LAMA2: variants seen among roughly 807,000 people sequenced by gnomAD.
LAMA2 encodes the protein laminin subunit alpha-2.
A neutral mutation model predicts 364.8 loss-of-function variants in LAMA2; 269 were observed. The observed-to-expected ratio is 0.74, with a 90% CI of 0.67 to 0.82. The LOEUF (loss-of-function observed/expected upper bound fraction) is 0.82, where lower values mean the gene tolerates loss of function less well. LAMA2 is among the 40% of genes least tolerant of loss of function. The pLI, the probability that LAMA2 is intolerant of heterozygous loss-of-function variation, is 0.00. For missense variants in LAMA2, 3,807 were observed against 3,873.2 expected, an observed-to-expected ratio of 0.98 and a Z score of 0.45; for synonymous variants, 1,379 against 1,370.6, an observed-to-expected ratio of 1.01 and a Z score of -0.14.
At chr6:129,515,458 T>C (rs1000932107) in intron 64 of LAMA2, among the ~76,000 whole-genome samples, 9 of 152,192 alleles carry the variant, frequency 5.9e-5, no homozygotes, top group African/African-American at 2.2e-4. Context: ...GGTAATGTAC[T>C]TCTCCATTCA....
chr6:129,206,126 AAGGAAGG>A (rs1782656043), intron 12 of LAMA2, among the ~76,000 whole-genome samples: 5 of 120,994 alleles, frequency 4.1e-5, no homozygotes, highest in African/African-American at 2.0e-4. Context: ...GGAAGGAAGG[AAGGAAGG>A]AAGGAAGGAA....
chr6:129,263,915 G>T (rs265328), intron 15 of LAMA2, among the ~76,000 whole-genome samples: 21,125 of 151,026 alleles, frequency 0.14, 2,223 homozygotes, highest in East Asian at 0.62. Flanking sequence ...ATTTTTTTTT[G>T]TTTGTTTTAA....
At chr6:129,258,915 G>T (rs192579945) in intron 14 of LAMA2, among the ~76,000 whole-genome samples, 1 of 152,072 alleles carries the variant, frequency 6.6e-6, no homozygotes, top group East Asian at 1.9e-4. Flanking sequence ...CTACCAGGTT[G>T]TCCAAGATGT....
Position 129,029,467 on chromosome 6 carries a change from T to C in LAMA2, c.113-20451T>C, listed in dbSNP as rs190494819. 2.7e-3 allele frequency among the ~76,000 whole-genome samples: 409 copies of C among 152,142 alleles called. 1 individual carries two copies. The highest frequency in any genetic ancestry group is 9.4e-3 in the African/African-American group (392 of 41,556). ...GACACCTTCTGTAATATTATTCAAG[T>C]AAGAATGTCTCATTTTGGACATCTT... On this transcript the variant is annotated intron_variant, in intron 1 of 64. Transcript: ENST00000421865.
chr6:129,479,008 T>C (rs1487568259), intron 54 of LAMA2, among the ~76,000 whole-genome samples, 195 bp downstream of exon 54: 1 of 152,218 alleles, frequency 6.6e-6, no homozygotes, highest in Non-Finnish European at 1.5e-5. Flanking sequence ...GTCCTAGAAT[T>C]GTGATCCAAT....
chr6:129,070,694 G>A (rs1773254254), intron 3 of LAMA2, among the ~76,000 whole-genome samples: 1 of 152,086 alleles, frequency 6.6e-6, no homozygotes, highest in African/African-American at 2.4e-5. Context: ...ATTATGTACA[G>A]TTTTTAATTA....
intron 40 of LAMA2, 85 bp downstream of exon 40, chr6:129,404,044 T>C: frequency 1.4e-6 from 2 of 1,443,882 alleles, no homozygotes; most frequent in East Asian, 2.3e-5. Flanking sequence ...AAAATCCCAG[T>C]AAATTGGTAT....
At position 129,485,107 on chromosome 6, in the gene LAMA2, CTTT is replaced by C. The variant is rs1395139830; in HGVS notation, c.7750-1363_7750-1361del. ...TTTTTTGTTTATCTTGAAAAATAAA[CTTT>C]TTTCTCATATTGCAAATGATAAGCT... On this transcript the variant is annotated intron_variant, in intron 55 of 64. Transcript: ENST00000421865. Among the ~76,000 whole-genome samples the C allele has an allele frequency of 2.0e-5, 3 of 151,984 alleles. No individual in the cohort carries two copies. In the South Asian group the frequency reaches 6.2e-4, roughly 31 times the overall value.
At position 129,440,969 on chromosome 6, in the gene LAMA2, A is replaced by G. The variant is rs770537658; in HGVS notation, c.6239A>G (p.Asn2080Ser). The change falls in exon 43 of 65, where the codon AAT becomes AGT. Residue 2080 changes from asparagine (N) to serine (S), a missense_variant. Coordinates refer to ENST00000421865, the MANE Select transcript of LAMA2 (RefSeq NM_000426.4). ...CTAGCAGACAGCGTCGCCAAAACGA[A>G]TGCTGTGGTTAAAGATCCTTCCAAG... ...NKLADSVAKT[N>S]AVVKDPSKNK... 2.5e-6 allele frequency: 4 copies of G among 1,613,810 alleles called. No individual in the cohort carries two copies. The highest frequency in any genetic ancestry group is 3.4e-6 in the Non-Finnish European group (4 of 1,179,776).
chr6:129,318,673 T>C (rs1011428242), intron 27 of LAMA2, among the ~76,000 whole-genome samples: 2 of 152,120 alleles, frequency 1.3e-5, no homozygotes, highest in Non-Finnish European at 2.9e-5. Context: ...TCACCACCAC[T>C]GTGTGTACTT....
chr6:128,970,083 T>TA (rs1782094545), intron 1 of LAMA2, among the ~76,000 whole-genome samples: 1 of 152,208 alleles, frequency 6.6e-6, no homozygotes, highest in African/African-American at 2.4e-5. Flanking sequence ...ATTCTTTAAA[T>TA]GTCTTTAAAT....
intron 1 of LAMA2, among the ~76,000 whole-genome samples, chr6:128,998,535 G>T (rs1784152684): frequency 9.5e-6 from 1 of 104,768 alleles, no homozygotes; most frequent in Non-Finnish European, 1.9e-5. Flanking sequence ...AGGCCAGTGT[G>T]TGTGCGCACC....
intron 37 of LAMA2, among the ~76,000 whole-genome samples, chr6:129,399,290 C>T (rs1779830323): frequency 6.6e-6 from 1 of 152,066 alleles, no homozygotes; most frequent in Admixed American, 6.5e-5. Context: ...TACTGGGTGC[C>T]AGGCAGTGTT....
chr6:129,320,447 C>T (rs369340152), intron 27 of LAMA2, 91 bp from the exon 28 acceptor site: 36 of 821,340 alleles, frequency 4.4e-5, no homozygotes, highest in African/African-American at 1.7e-4. Context: ...TTGACAAAAA[C>T]GTGAGAAGGA....
At chr6:129,021,719 CTGGATAAGGACTTG>C (rs1785462801) in intron 1 of LAMA2, among the ~76,000 whole-genome samples, 1 of 152,138 alleles carries the variant, frequency 6.6e-6, no homozygotes, top group Admixed American at 6.6e-5. Context: ...TATGTCCTGC[CTGGATAAGGACTTG>C]TGGGTAAGGA....
At chr6:129,500,688 AAAC>A (rs1785563683) in intron 58 of LAMA2, among the ~76,000 whole-genome samples, 1 of 152,154 alleles carries the variant, frequency 6.6e-6, no homozygotes, top group Non-Finnish European at 1.5e-5. Context: ...GTATACAACG[AAAC>A]AACAACAAAA....
intron 1 of LAMA2, among the ~76,000 whole-genome samples, chr6:129,043,832 T>C (rs1787275852): frequency 6.6e-6 from 1 of 152,196 alleles, no homozygotes; most frequent in South Asian, 2.1e-4. Flanking sequence ...TCCCAACTTT[T>C]TTCTTTCCTG....
intron 7 of LAMA2, among the ~76,000 whole-genome samples, chr6:129,153,477 C>T (rs1778931849): frequency 6.6e-6 from 1 of 152,172 alleles, no homozygotes; most frequent in African/African-American, 2.4e-5. Context: ...TTCCTTGGCA[C>T]CTGCCATGTA....
Position 129,236,464 on chromosome 6 carries a change from C to T in LAMA2, c.1783-13648C>T, listed in dbSNP as rs147773733. Reference sequence around the variant, plus strand: ...ATAAAAACCTCTGAATATCTGAATACGTTTTAAGAGCACCCCTTATAAAAC... The same window carrying T: ...ATAAAAACCTCTGAATATCTGAATATGTTTTAAGAGCACCCCTTATAAAAC... On this transcript the variant is annotated intron_variant, in intron 12 of 64. Coordinates refer to ENST00000421865, the MANE Select transcript of LAMA2 (RefSeq NM_000426.4). 8.4e-3 allele frequency among the ~76,000 whole-genome samples: 1,283 copies of T among 152,238 alleles called. 10 individuals are homozygous for T. The highest frequency in any genetic ancestry group is 0.016 in the Admixed American group (245 of 15,290).
Sources: allele counts gnomAD v4.1 joint callset (sites outside exome capture counted in the v4.1 genomes callset), GRCh38; gene constraint gnomAD v4.1.1; transcripts MANE v1.5; gene names NCBI Gene and HGNC (gene_info 2026-07-23, HGNC 2026-07-21).